The following NDUFA12 variants were observed in gnomAD, a reference collection of about 807,000 sequenced individuals.
NDUFA12 encodes the protein NADH dehydrogenase [ubiquinone] 1 alpha subcomplex subunit 12.
In NDUFA12, 17 loss-of-function variants were observed where a neutral mutation model predicts 20.3. That is an observed-to-expected ratio of 0.84 (90% confidence interval 0.57 to 1.26). The LOEUF is 1.26. NDUFA12 is among the 50% of genes most tolerant of loss of function. The probability of loss-of-function intolerance (pLI) is 0.00; values close to 1 mark genes in which losing one functional copy is unlikely to be tolerated. For synonymous variants in NDUFA12, 72 were observed against 63.6 expected (o/e 1.13, Z -0.63); for missense variants, 191 against 183.7 (o/e 1.04, Z -0.23).
At chr12:94,992,889 C>CA (rs374667848) in intron 3 of NDUFA12, among the ~76,000 whole-genome samples, 5 of 150,032 alleles carry the variant, frequency 3.3e-5, no homozygotes, top group South Asian at 2.1e-4. Context: ...ACTCCTGACC[C>CA]AAAAAAAAAC....
At chr12:95,001,765 C>T (rs897324439) in intron 2 of NDUFA12, among the ~76,000 whole-genome samples, 1 of 152,092 alleles carries the variant, frequency 6.6e-6, no homozygotes, top group Non-Finnish European at 1.5e-5. Flanking sequence ...AGTAGAGTGG[C>T]GGGATCTGGG....
chr12:94,977,864 C>A (rs1024302250), intron 3 of NDUFA12, among the ~76,000 whole-genome samples: 5 of 151,964 alleles, frequency 3.3e-5, no homozygotes, highest in South Asian at 2.1e-4. Context: ...AAGGAAAAAA[C>A]CAGAGCAGGG....
chr12:94,979,331 T>C (rs1874161298), intron 3 of NDUFA12, among the ~76,000 whole-genome samples: 1 of 152,222 alleles, frequency 6.6e-6, no homozygotes, highest in African/African-American at 2.4e-5. Flanking sequence ...ACAGTATTGC[T>C]TCTGGGCCAA....
In NDUFA12 at chr12:94,998,199, A is replaced by G. The variant is rs1874902812; in HGVS notation, c.170-3942T>C. On this transcript the variant is annotated intron_variant, in intron 2 of 3. Coordinates refer to ENST00000327772, the MANE Select transcript of NDUFA12 (RefSeq NM_018838.5). Reference sequence around the variant, plus strand: ...TTTAACATACCCAAGTCAATGTGATATATCACATAAATAGAATTAAAAATA... The same window carrying G: ...TTTAACATACCCAAGTCAATGTGATGTATCACATAAATAGAATTAAAAATA... 2.6e-5 allele frequency among the ~76,000 whole-genome samples: 4 copies of G among 152,232 alleles called. No homozygotes were observed. In the South Asian group the frequency reaches 8.3e-4, roughly 32 times the overall value.
intron 3 of NDUFA12, among the ~76,000 whole-genome samples, chr12:94,988,039 T>C (rs577166144): frequency 3.9e-4 from 59 of 152,294 alleles, no homozygotes; most frequent in African/African-American, 1.3e-3. Context: ...CAAGCCCAAG[T>C]CCCTTTGTCT....
chr12:94,979,664 C>T (rs545491366), intron 3 of NDUFA12, among the ~76,000 whole-genome samples: 84 of 131,118 alleles, frequency 6.4e-4, no homozygotes, highest in Non-Finnish European at 1.0e-3. Flanking sequence ...AACCCCACCC[C>T]TATAAAAAAA....
rs769459563 is a variant in NDUFA12, at chr12:94,971,396, G to A, written c.*44C>T. On this transcript the variant is annotated 3_prime_UTR_variant, in exon 4 of 4. Transcript: ENST00000327772. ...GTAAACAGTAAAAGAGTAATTACAT[G>A]AAAAGCTCCATATTTTGCATGTTTC... The A allele has an allele frequency of 2.5e-6, 4 of 1,573,752 alleles. No individual in the cohort carries two copies. The highest frequency in any genetic ancestry group is 1.4e-5 in the African/African-American group (1 of 74,004).
intron 3 of NDUFA12, among the ~76,000 whole-genome samples, chr12:94,978,607 A>G (rs751217557): frequency 6.6e-6 from 1 of 152,232 alleles, no homozygotes; most frequent in Non-Finnish European, 1.5e-5. Flanking sequence ...AAAGAGATGT[A>G]TTAACTAAAT....
chr12:95,001,214 G>A (rs1875014526), intron 2 of NDUFA12, among the ~76,000 whole-genome samples: 1 of 152,180 alleles, frequency 6.6e-6, no homozygotes, highest in Non-Finnish European at 1.5e-5. Flanking sequence ...GCTGAGGCAG[G>A]AGGAAGGCTA....
chr12:94,990,415 A>G (rs1224528119), intron 3 of NDUFA12, among the ~76,000 whole-genome samples: 1 of 152,098 alleles, frequency 6.6e-6, no homozygotes, highest in Non-Finnish European at 1.5e-5. Context: ...TTCTCACGGT[A>G]AGAACCAAAG....
At chr12:95,003,527 C>A in intron 1 of NDUFA12, 68 bp downstream of exon 1, 1 of 1,512,488 alleles carries the variant, frequency 6.6e-7, no homozygotes, top group Non-Finnish European at 9.2e-7. Flanking sequence ...GAGCCTGGGA[C>A]CCCTTCCAAG....
chr12:94,985,537 G>A (rs1874402113), intron 3 of NDUFA12, among the ~76,000 whole-genome samples: 1 of 143,462 alleles, frequency 7.0e-6, no homozygotes, highest in Non-Finnish European at 1.5e-5. Context: ...TGAGGCAGGA[G>A]AATGACGTGA....
chr12:94,996,304 T>C (rs1402592641), intron 2 of NDUFA12, among the ~76,000 whole-genome samples: 4 of 141,838 alleles, frequency 2.8e-5, no homozygotes, highest in African/African-American at 8.1e-5. Context: ...CAAATATATA[T>C]AAATACATAC....
chr12:94,973,249 T>C (rs1397684146), intron 3 of NDUFA12, among the ~76,000 whole-genome samples: 2 of 152,186 alleles, frequency 1.3e-5, no homozygotes, highest in Non-Finnish European at 2.9e-5. Context: ...CTAAAGATAA[T>C]TGTATCATGA....
intron 3 of NDUFA12, among the ~76,000 whole-genome samples, chr12:94,982,003 C>T (rs904727594): frequency 1.3e-5 from 2 of 152,206 alleles, no homozygotes; most frequent in Non-Finnish European, 2.9e-5. Context: ...GATTAGAGAA[C>T]ATTAAATGAA....
chr12:94,972,630 G>A (rs553068787), intron 3 of NDUFA12: 66 of 292,974 alleles, frequency 2.3e-4, no homozygotes, highest in Middle Eastern at 1.3e-3. Context: ...TTGGGAGGAC[G>A]AGGTGGGAGG....
intron 3 of NDUFA12, among the ~76,000 whole-genome samples, chr12:94,987,240 A>C (rs1874475787): frequency 6.6e-6 from 1 of 152,210 alleles, no homozygotes; most frequent in Non-Finnish European, 1.5e-5. Context: ...AACATTCAAC[A>C]AACTCACTGA....
intron 3 of NDUFA12, among the ~76,000 whole-genome samples, chr12:94,977,675 T>C (rs1874103802): frequency 6.6e-6 from 1 of 152,168 alleles, no homozygotes; most frequent in Non-Finnish European, 1.5e-5. Context: ...AAACTGATTA[T>C]CATACCCAAA....
intron 3 of NDUFA12, 92 bp downstream of exon 3, chr12:94,994,078 C>A: frequency 1.8e-6 from 2 of 1,117,868 alleles, no homozygotes; most frequent in South Asian, 2.6e-5. Context: ...GAGTCATGAT[C>A]ATGTCACTGC....
Sources: allele counts gnomAD v4.1 joint callset (sites outside exome capture counted in the v4.1 genomes callset), GRCh38; gene constraint gnomAD v4.1.1; transcripts MANE v1.5; gene names NCBI Gene and HGNC (gene_info 2026-07-23, HGNC 2026-07-21).